Variants in FAM124A observed in about 807,000 individuals in gnomAD.
FAM124A encodes the protein family with sequence similarity 124 member A.
Under a neutral mutation model 24.5 loss-of-function variants are expected in FAM124A, and 23 were observed. The ratio of observed to expected loss-of-function variants is 0.94; its 90% confidence interval spans 0.68 to 1.33. FAM124A has a LOEUF of 1.33. FAM124A is among the 40% of genes most tolerant of loss of function. The pLI is 0.00. For synonymous variants in FAM124A, 287 were observed against 314.7 expected (o/e 0.91, Z 0.93); for missense variants, 623 against 722.8 (o/e 0.86, Z 1.58).
intron 2 of FAM124A, among the ~76,000 whole-genome samples, chr13:51,234,746 A>T (rs1012699978): frequency 2.0e-5 from 3 of 152,214 alleles, no homozygotes; most frequent in African/African-American, 7.2e-5. Context: ...CAGCATAAAA[A>T]TCTGGAAGCC....
intron 2 of FAM124A, among the ~76,000 whole-genome samples, chr13:51,233,749 T>G (rs924930457): frequency 4.6e-5 from 7 of 152,128 alleles, no homozygotes; most frequent in Non-Finnish European, 8.8e-5. Context: ...AAACCTAAAG[T>G]CTTAAATCCT....
rs1954467171 is a variant in FAM124A at position 51,239,264 on chromosome 13, A to G, written c.100+7885A>G. ...ATTGCAGAAAAATCAGAGAATACAG[A>G]TTAGCAAAGAGAAGCAAACCCAGAA... On this transcript the variant is annotated intron_variant, in intron 2 of 3. Coordinates refer to ENST00000322475, the MANE Select transcript of FAM124A (RefSeq NM_001242312.2). 2.6e-5 allele frequency among the ~76,000 whole-genome samples: 4 copies of G among 152,244 alleles called. No homozygotes were observed. The South Asian group carries it at 8.3e-4, about 31-fold the overall frequency.
chr13:51,245,268 T>G lies in FAM124A; in HGVS notation c.101-6200T>G. On this transcript the variant is annotated intron_variant, in intron 2 of 3. Coordinates refer to ENST00000322475, the MANE Select transcript of FAM124A (RefSeq NM_001242312.2). ...GACTAGGTGTGCCATTTGCACAGCATGTGAAAATCTGGCCGCCCCCCACTT... is the reference window on the plus strand; with the variant it reads ...GACTAGGTGTGCCATTTGCACAGCAGGTGAAAATCTGGCCGCCCCCCACTT... 3 of 620,550 alleles carry G rather than the reference T, an allele frequency of 4.8e-6. No homozygotes were observed. In the South Asian group the frequency reaches 6.0e-5, roughly 12 times the overall value. 38.4% of individuals were successfully genotyped at this position (620,550 alleles called of 1,614,324 possible). A position where few individuals can be genotyped will look rare whatever the true frequency, so the allele number is the denominator to read the frequency against.
At chr13:51,227,464 T>A (rs1170642459) in intron 1 of FAM124A, 1 of 152,234 alleles carries the variant, frequency 6.6e-6, no homozygotes, top group East Asian at 1.9e-4. Context: ...CAAACTAGTA[T>A]TCTTCTGTAG....
chr13:51,245,157 G>A (rs1232560661), intron 2 of FAM124A, among the ~76,000 whole-genome samples: 1 of 152,040 alleles, frequency 6.6e-6, no homozygotes, highest in Non-Finnish European at 1.5e-5. Context: ...AGATGAGCTT[G>A]AGGAGGTGGT....
In FAM124A at chr13:51,222,405, C is replaced by T. The variant is rs1954269064; in HGVS notation, c.-97C>T. On this transcript the variant is annotated 5_prime_UTR_variant, in exon 1 of 4. Coordinates refer to ENST00000322475, the MANE Select transcript of FAM124A (RefSeq NM_001242312.2). ...GCCGGCTCCCGGGCCGCCAGACGCT[C>T]GGAGGGAGCCCGGCCGGCTCGGACT... 2 of 1,069,850 alleles carry T rather than the reference C, an allele frequency of 1.9e-6. No homozygotes were observed. The highest frequency in any genetic ancestry group is 4.2e-5 in the East Asian group (1 of 23,640). The allele number at this position is 1,069,850 out of a possible 1,614,324, so 66.3% of individuals were successfully genotyped here.
rs541142132 is a variant in FAM124A, at chr13:51,280,716, C to G, written c.1101C>G (p.Pro367=). The G allele has an allele frequency of 8.7e-5, 140 of 1,614,152 alleles. 3 individuals are homozygous for G. In the South Asian group the frequency reaches 1.4e-3, roughly 16 times the overall value. The change falls in exon 4 of 4, where the codon CCC becomes CCG. Residue 367 remains proline (P), a synonymous_variant. Transcript: ENST00000322475. The stretch of plus-strand genomic sequence containing the variant: ...GAAGCAAGTCCTTGTTTTGTTTGCC[C>G]ACGGGAGGCCCCTCCCTGGCCTCCT... ...FQRSKSLFCL[P]TGGPSLASSA... is the part of the protein sequence containing the mutation.
chr13:51,262,544 A>T (rs1479837137), intron 3 of FAM124A, among the ~76,000 whole-genome samples: 1 of 152,092 alleles, frequency 6.6e-6, no homozygotes, highest in East Asian at 1.9e-4. Context: ...ATCCCCAAAA[A>T]TGTAGGAAAA....
intron 3 of FAM124A, among the ~76,000 whole-genome samples, chr13:51,261,980 G>T (rs866358045): frequency 1.3e-5 from 2 of 152,254 alleles, no homozygotes; most frequent in Non-Finnish European, 2.9e-5. Flanking sequence ...TTCACAGCTG[G>T]TTCCGATTGT....
chr13:51,238,098 T>G (rs959564440), intron 2 of FAM124A, among the ~76,000 whole-genome samples: 2 of 152,202 alleles, frequency 1.3e-5, no homozygotes, highest in Non-Finnish European at 2.9e-5. Flanking sequence ...TTGCAGCCAC[T>G]TAGGTTTTGG....
intron 3 of FAM124A, among the ~76,000 whole-genome samples, chr13:51,273,113 C>A (rs1462048549): frequency 6.6e-6 from 1 of 152,158 alleles, no homozygotes; most frequent in Non-Finnish European, 1.5e-5. Context: ...AGAACTTAGA[C>A]CCCCAGGTTT....
chr13:51,246,407 G>T (rs544314446), intron 2 of FAM124A, among the ~76,000 whole-genome samples: 7 of 145,554 alleles, frequency 4.8e-5, no homozygotes, highest in African/African-American at 9.8e-5. Context: ...CGTGGGGTGG[G>T]GGGGGGTGTA....
rs746966624 is a variant in FAM124A, at chr13:51,245,457, CT to C, written c.101-6010del. On this transcript the variant is annotated intron_variant, in intron 2 of 3. Transcript: ENST00000322475. ...TATTGGCGCAGCTTCCGGCATTCATCTGTGCAAGCTTCCAGCTTGCTTATCT... is the reference window on the plus strand; with the variant it reads ...TATTGGCGCAGCTTCCGGCATTCATCGTGCAAGCTTCCAGCTTGCTTATCT... 34 of 555,624 alleles carry C rather than the reference CT, an allele frequency of 6.1e-5. No individual in the cohort carries two copies. The African/African-American group carries it at 6.1e-4, about 10-fold the overall frequency. 34.4% of individuals were successfully genotyped at this position (555,624 alleles called of 1,614,324 possible).
At chr13:51,278,218 C>T (rs1020996268) in intron 3 of FAM124A, among the ~76,000 whole-genome samples, 1 of 152,110 alleles carries the variant, frequency 6.6e-6, no homozygotes, top group Non-Finnish European at 1.5e-5. Context: ...GGCTTCCATG[C>T]GAGGAGGATT....
chr13:51,245,384 G>A (rs1401071573), intron 2 of FAM124A: 1 of 689,642 alleles, frequency 1.5e-6, no homozygotes, highest in Non-Finnish European at 2.7e-6. Flanking sequence ...GAAAAGGGAA[G>A]ATGGAGCCTC....
At chr13:51,259,620 C>T (rs143082687) in intron 3 of FAM124A, among the ~76,000 whole-genome samples, 7 of 152,230 alleles carry the variant, frequency 4.6e-5, no homozygotes, top group Non-Finnish European at 7.4e-5. Flanking sequence ...TCGGTCTTCC[C>T]GCAGTGAAAC....
At chr13:51,270,476 C>T (rs1293330039) in intron 3 of FAM124A, among the ~76,000 whole-genome samples, 3 of 152,090 alleles carry the variant, frequency 2.0e-5, no homozygotes, top group East Asian at 1.9e-4. Flanking sequence ...AGAAAGCCCA[C>T]GCAGAATTCT....
intron 2 of FAM124A, among the ~76,000 whole-genome samples, chr13:51,234,009 T>C (rs1195176564): frequency 6.6e-6 from 1 of 152,166 alleles, no homozygotes; most frequent in Non-Finnish European, 1.5e-5. Flanking sequence ...ATTGTCCCAG[T>C]CCCAGTTTGA....
Position 51,251,837 on chromosome 13 carries a change from C to A in FAM124A, c.470C>A (p.Thr157Lys). 1 of 1,608,868 alleles carries A rather than the reference C, an allele frequency of 6.2e-7. No individual in the cohort carries two copies. Among genetic ancestry groups the A allele is most frequent in the Non-Finnish European group, 8.5e-7 (1 of 1,177,646 alleles). Residue 157 changes from threonine (T) to lysine (K), a missense_variant, in exon 3 of 4, where the codon ACG becomes AAG. Coordinates refer to ENST00000322475, the MANE Select transcript of FAM124A (RefSeq NM_001242312.2). This position sits in a 1 kb window ranked among gnomAD's most constrained non-coding sequence, Gnocchi z 5.3. ...GACTTCTTCACGCTGGCCCCTGGGA[C>A]GCCGCTTTGGGCCATCCGGCCCGTG... ...SQDFFTLAPG[T>K]PLWAIRPVHY...
Sources: allele counts gnomAD v4.1 joint callset (sites outside exome capture counted in the v4.1 genomes callset), GRCh38; gene constraint gnomAD v4.1.1; non-coding constraint Gnocchi (gnomAD v3.1); transcripts MANE v1.5; gene names NCBI Gene and HGNC (gene_info 2026-07-23, HGNC 2026-07-21).